OR3A2: variants seen among roughly 807,000 people sequenced by gnomAD.
OR3A2 encodes the protein olfactory receptor family 3 subfamily A member 2.
For missense variants in OR3A2, 318 were observed against 392.8 expected (o/e 0.81, Z 1.61); for synonymous variants, 126 against 159.3 (o/e 0.79, Z 1.57).
intron 2 of OR3A2, among the ~76,000 whole-genome samples, chr17:3,376,415 G>GTA (rs367580230): frequency 2.3e-4 from 35 of 152,310 alleles, no homozygotes; most frequent in African/African-American, 8.2e-4. Flanking sequence ...GGGGAAGGCA[G>GTA]GGTTAGGTGG....
exon 2 of OR3A2, chr17:3,278,330 T>C: frequency 6.2e-7 from 1 of 1,613,992 alleles, no homozygotes; most frequent in Non-Finnish European, 8.5e-7. Flanking sequence ...GCTCATTGAG[T>C]TGGGTGCTGG....
At chr17:3,303,746 A>AAAAAAAAAAAAG in intron 3 of OR3A2, among the ~76,000 whole-genome samples, 1 of 147,500 alleles carries the variant, frequency 6.8e-6, no homozygotes, top group East Asian at 2.0e-4. Context: ...TTCATCTCAA[A>AAAAAAAAAAAAG]AAAAAAAATT....
intron 2 of OR3A2, among the ~76,000 whole-genome samples, chr17:3,370,868 C>T (rs1198110449): frequency 1.3e-5 from 2 of 152,038 alleles, no homozygotes; most frequent in Admixed American, 1.3e-4. Flanking sequence ...TTTAACAAAG[C>T]ACATCTTGCA....
chr17:3,300,583 TTAAA>T (rs1474526660), intron 3 of OR3A2, among the ~76,000 whole-genome samples: 1 of 152,014 alleles, frequency 6.6e-6, no homozygotes, highest in Non-Finnish European at 1.5e-5. Flanking sequence ...AATTAATTAA[TTAAA>T]TAAAATCACA....
intron 3 of OR3A2, among the ~76,000 whole-genome samples, chr17:3,303,839 C>T (rs1426130988): frequency 6.7e-6 from 1 of 149,534 alleles, no homozygotes; most frequent in Non-Finnish European, 1.5e-5. Context: ...TTGCAGTGAG[C>T]CGAGATCATG....
At chr17:3,367,618 T>TATATATATAATATATATAC (rs1263932648) in intron 2 of OR3A2, among the ~76,000 whole-genome samples, 1 of 147,608 alleles carries the variant, frequency 6.8e-6, no homozygotes, top group African/African-American at 2.6e-5. Flanking sequence ...TATATATATA[T>TATATATATAATATATATAC]ATATGCCATT....
At chr17:3,364,252 T>C (rs1443859154) in intron 2 of OR3A2, among the ~76,000 whole-genome samples, 7 of 152,246 alleles carry the variant, frequency 4.6e-5, no homozygotes, top group African/African-American at 1.7e-4. Context: ...ATTCTATTTA[T>C]GGGGTATAAT....
intron 3 of OR3A2, among the ~76,000 whole-genome samples, chr17:3,334,602 T>C (rs970762510): frequency 1.3e-5 from 2 of 152,214 alleles, no homozygotes; most frequent in African/African-American, 4.8e-5. Context: ...TCTCACATGT[T>C]TTCTCTTCCA....
chr17:3,310,011 T>C (rs550576128), intron 3 of OR3A2: 1 of 204,506 alleles, frequency 4.9e-6, no homozygotes, highest in Admixed American at 5.2e-5. Context: ...GAAAATAATT[T>C]TTCCCTTTAC....
chr17:3,359,781 T>C (rs999584297), intron 2 of OR3A2, among the ~76,000 whole-genome samples: 5 of 151,724 alleles, frequency 3.3e-5, no homozygotes, highest in Admixed American at 6.6e-5. Context: ...TAGTATTCCA[T>C]GGTGTGTATG....
intron 2 of OR3A2, among the ~76,000 whole-genome samples, chr17:3,370,137 G>T (rs2049600497): frequency 6.6e-6 from 1 of 152,158 alleles, no homozygotes; most frequent in African/African-American, 2.4e-5. Flanking sequence ...GAACTCAGCT[G>T]TGAAACCATC....
chr17:3,358,185 C>A (rs1196900449), intron 2 of OR3A2, among the ~76,000 whole-genome samples: 1 of 151,670 alleles, frequency 6.6e-6, no homozygotes, highest in African/African-American at 2.4e-5. Flanking sequence ...AATTTTCTCA[C>A]AAAGAAAATC....
exon 2 of OR3A2, chr17:3,277,529 C>G (rs139785623): frequency 6.2e-6 from 1 of 160,412 alleles, no homozygotes; most frequent in African/African-American, 2.4e-5. Context: ...GCCAGGCACA[C>G]AGAACTACAA....
chr17:3,296,570 T>C (rs1220810822), intron 3 of OR3A2, among the ~76,000 whole-genome samples: 1 of 151,788 alleles, frequency 6.6e-6, no homozygotes, highest in Non-Finnish European at 1.5e-5. Context: ...AAAAAGAAAA[T>C]ACAACTGTAT....
intron 3 of OR3A2, among the ~76,000 whole-genome samples, chr17:3,334,597 CAT>C (rs772653742): frequency 4.6e-5 from 7 of 152,176 alleles, no homozygotes; most frequent in Non-Finnish European, 5.9e-5. Flanking sequence ...ACTGCTCTCA[CAT>C]GTTTTCTCTT....
rs575182853 is a variant in OR3A2, at chr17:3,282,767, A to G, written c.-7+1591T>C. On this transcript the variant is annotated intron_variant, in intron 1 of 1. Coordinates refer to ENST00000642052, the Ensembl canonical transcript of OR3A2. ...GGTGATAGCTCTTTACATATGTTAT[A>G]TTAAAGGATAGTTGACTACTTCCCT... Among the ~76,000 whole-genome samples the G allele has an allele frequency of 5.3e-5, 8 of 152,358 alleles. 1 individual carries two copies. In the South Asian group the frequency reaches 1.7e-3, roughly 32 times the overall value.
intron 3 of OR3A2, among the ~76,000 whole-genome samples, chr17:3,321,715 T>A (rs2049123916): frequency 6.6e-6 from 1 of 152,212 alleles, no homozygotes; most frequent in Admixed American, 6.5e-5. Flanking sequence ...CAGCCTTGCA[T>A]CCCAGGGATG....
intron 2 of OR3A2, among the ~76,000 whole-genome samples, chr17:3,374,679 T>C (rs968406989): frequency 6.6e-6 from 1 of 152,164 alleles, no homozygotes; most frequent in African/African-American, 2.4e-5. Context: ...GGAGACATTT[T>C]CCCCCATGGT....
chr17:3,356,500 T>C (rs1233281911), intron 2 of OR3A2, among the ~76,000 whole-genome samples: 1 of 151,464 alleles, frequency 6.6e-6, no homozygotes, highest in Non-Finnish European at 1.5e-5. Context: ...TTAGCAACCA[T>C]ATGCAAATAA....
Sources: gnomAD v4.1 joint callset for allele counts (sites outside exome capture counted in the v4.1 genomes callset) on GRCh38, gnomAD v4.1.1 for gene constraint, MANE v1.5 for transcripts, NCBI Gene and HGNC (gene_info 2026-07-23, HGNC 2026-07-21) for gene names.